FBXL2: variants seen among roughly 807,000 people sequenced by gnomAD.
FBXL2 encodes F-box and leucine rich repeat protein 2, also known as F-box/LRR-repeat protein 2.
In FBXL2, 38 loss-of-function variants were observed where a neutral mutation model predicts 69.2. The ratio of observed to expected loss-of-function variants is 0.55; its 90% CI spans 0.42 to 0.72. The LOEUF (loss-of-function observed/expected upper bound fraction) is 0.72, where lower values mean the gene tolerates loss of function less well. Among genes scored for constraint, FBXL2 ranks in the 30% least tolerant of loss-of-function variants. The probability of loss-of-function intolerance (pLI) is 0.00; values close to 1 mark genes in which losing one functional copy is unlikely to be tolerated. For missense variants in FBXL2, 354 were observed against 520.3 expected (o/e 0.68, Z 3.11); for synonymous variants, 192 against 201.3 (o/e 0.95, Z 0.39).
intron 2 of FBXL2, among the ~76,000 whole-genome samples, chr3:33,345,081 C>A (rs758128693): frequency 4.6e-5 from 7 of 152,220 alleles, no homozygotes; most frequent in Non-Finnish European, 8.8e-5. Flanking sequence ...TTACTATATT[C>A]ATTTTCTATG....
intron 2 of FBXL2, among the ~76,000 whole-genome samples, chr3:33,317,828 T>C (rs1209857126): frequency 6.6e-6 from 1 of 152,200 alleles, no homozygotes; most frequent in Non-Finnish European, 1.5e-5. Context: ...AAATCTGAAA[T>C]GCTCCAAAAT....
intron 14 of FBXL2, 73 bp downstream of exon 14, chr3:33,384,274 C>G: frequency 2.0e-6 from 3 of 1,470,304 alleles, no homozygotes; most frequent in Non-Finnish European, 1.9e-6. Context: ...AGAATCAGAC[C>G]GGGGCTAGGC....
intron 7 of FBXL2, 85 bp from the exon 8 acceptor site, chr3:33,373,493 T>G: frequency 6.3e-7 from 1 of 1,596,042 alleles, no homozygotes; most frequent in Non-Finnish European, 8.6e-7. Context: ...CCTTCGGAAT[T>G]TCTTGTGATG....
the FBXL2 span, chr3:33,409,716 A>T: frequency 7.5e-7 from 1 of 1,339,746 alleles, no homozygotes; most frequent in South Asian, 1.3e-5. Flanking sequence ...TTTAAAATAA[A>T]CTCATCACAC....
At chr3:33,353,825 C>G (rs1050703290) in intron 2 of FBXL2, among the ~76,000 whole-genome samples, 2 of 152,030 alleles carry the variant, frequency 1.3e-5, no homozygotes, top group Non-Finnish European at 2.9e-5. Flanking sequence ...GAGGTTGAGG[C>G]TGCAGTGAGC....
intron 10 of FBXL2, among the ~76,000 whole-genome samples, chr3:33,376,769 G>A (rs995344666): frequency 2.6e-5 from 4 of 152,164 alleles, no homozygotes; most frequent in African/African-American, 9.7e-5. Context: ...GGGAGGCCGA[G>A]GTGGGTGGAT....
intron 9 of FBXL2, 134 bp downstream of exon 9, chr3:33,374,055 C>G: frequency 1.4e-6 from 1 of 704,942 alleles, no homozygotes; most frequent in South Asian, 1.7e-5. Flanking sequence ...ATCCTGTGTC[C>G]TTATATAACC....
chr3:33,357,687 G>A (rs1399676502), intron 2 of FBXL2, among the ~76,000 whole-genome samples: 1 of 151,902 alleles, frequency 6.6e-6, no homozygotes, highest in Non-Finnish European at 1.5e-5. Context: ...CCGCCACCTC[G>A]CCCGGCTAAT....
At chr3:33,382,235 G>A (rs1209918263) in intron 13 of FBXL2, among the ~76,000 whole-genome samples, 2 of 152,168 alleles carry the variant, frequency 1.3e-5, no homozygotes, top group African/African-American at 2.4e-5. Context: ...AAATTTGGCA[G>A]AGTGGTTTTT....
At chr3:33,349,300 G>A (rs927375702) in intron 2 of FBXL2, among the ~76,000 whole-genome samples, 1 of 152,032 alleles carries the variant, frequency 6.6e-6, no homozygotes, top group Non-Finnish European at 1.5e-5. Context: ...TTGTTGAGGG[G>A]TTTTATCCTG....
intron 2 of FBXL2, among the ~76,000 whole-genome samples, chr3:33,327,403 T>A (rs1008059765): frequency 1.3e-5 from 2 of 152,116 alleles, no homozygotes; most frequent in African/African-American, 4.8e-5. Flanking sequence ...AAAAAAAAGT[T>A]TTGAAACTGT....
downstream of FBXL2, chr3:33,403,806 C>T (rs983966181): frequency 2.6e-5 from 4 of 152,206 alleles, no homozygotes; most frequent in Non-Finnish European, 5.9e-5. Flanking sequence ...GAGATACAGA[C>T]ATCACATGGT....
chr3:33,392,849 AG>A (rs35602238), downstream of FBXL2: 1 of 432,580 alleles, frequency 2.3e-6, no homozygotes, highest in Non-Finnish European at 4.0e-6. Flanking sequence ...TGTGACCCAC[AG>A]GGGCACATTC....
At chr3:33,352,931 A>G (rs888128196) in intron 2 of FBXL2, among the ~76,000 whole-genome samples, 3 of 152,034 alleles carry the variant, frequency 2.0e-5, no homozygotes, top group African/African-American at 7.2e-5. Flanking sequence ...AAACAAAAAA[A>G]CCCATCTCAA....
the FBXL2 span, chr3:33,412,597 A>AT: frequency 1.6e-6 from 1 of 638,402 alleles, no homozygotes; most frequent in South Asian, 2.0e-5. Flanking sequence ...AAAAAAAAAA[A>AT]GACACAAAAT....
chr3:33,392,486 C>A, downstream of FBXL2: 1 of 1,228,246 alleles, frequency 8.1e-7, no homozygotes, highest in South Asian at 1.5e-5. Context: ...AAAGAATAAA[C>A]ACGAGAGGCA....
At chr3:33,412,902 G>C in the FBXL2 span, 11 of 932,146 alleles carry the variant, frequency 1.2e-5, no homozygotes, top group Non-Finnish European at 2.0e-5. Flanking sequence ...TACTTCTTAT[G>C]TGTTAACCTG....
chr3:33,375,477 G>A, intron 10 of FBXL2, 59 bp downstream of exon 10: 1 of 1,587,898 alleles, frequency 6.3e-7, no homozygotes, highest in East Asian at 2.3e-5. Context: ...AACCAAGAGG[G>A]CTTCCTTCAG....
At chr3:33,357,531 CTTTTTT>C (rs11425930) in intron 2 of FBXL2, among the ~76,000 whole-genome samples, 2 of 129,432 alleles carry the variant, frequency 1.5e-5, no homozygotes, top group Admixed American at 1.6e-4. Flanking sequence ...TCCACTGAGT[CTTTTTT>C]TTTTTTTTTT....
Sources: allele counts gnomAD v4.1 joint callset (sites outside exome capture counted in the v4.1 genomes callset), GRCh38; gene constraint gnomAD v4.1.1; transcripts MANE v1.5; gene names NCBI Gene and HGNC (gene_info 2026-07-23, HGNC 2026-07-21).